KIF21A: variants seen among roughly 807,000 people sequenced by gnomAD.
KIF21A encodes the protein kinesin-like protein KIF21A.
A neutral mutation model predicts 202.9 loss-of-function variants in KIF21A; 114 were observed. The observed-to-expected ratio is 0.56, with a 90% confidence interval of 0.48 to 0.66. The LOEUF (loss-of-function observed/expected upper bound fraction) is 0.66, where lower values mean the gene tolerates loss of function less well. Ranked by LOEUF, KIF21A falls within the 30% of genes least tolerant of loss-of-function variation. KIF21A has a pLI of 0.00. For synonymous variants in KIF21A, 667 were observed against 670.8 expected, an observed-to-expected ratio of 0.99 and a Z score of 0.09; for missense variants, 1,677 against 1,994.9, an observed-to-expected ratio of 0.84 and a Z score of 3.04.
chr12:39,371,316 AATT>A (rs1375787681), intron 1 of KIF21A, among the ~76,000 whole-genome samples: 3 of 152,278 alleles, frequency 2.0e-5, no homozygotes, highest in East Asian at 3.9e-4. Flanking sequence ...AAACTTAGTG[AATT>A]ATTATGAGTT....
intron 11 of KIF21A, among the ~76,000 whole-genome samples, chr12:39,347,606 A>C (rs1469744435): frequency 6.6e-6 from 1 of 151,986 alleles, no homozygotes; most frequent in Non-Finnish European, 1.5e-5. Flanking sequence ...ATTCTTATTT[A>C]TTGGTCTGTG....
At position 39,302,953 on chromosome 12, in the gene KIF21A, G is replaced by T. The variant is rs551732526; in HGVS notation, c.4731+12C>A. ...AATGCCCACTCTATACCATGAAAAGGTTCTGCATTACCTGAAGAAGGTCTT... is the reference window on the plus strand; with the variant it reads ...AATGCCCACTCTATACCATGAAAAGTTTCTGCATTACCTGAAGAAGGTCTT... On this transcript the variant is annotated intron_variant, in intron 36 of 37. Transcript: ENST00000361418. 1.2e-6 allele frequency: 2 copies of T among 1,610,946 alleles called. No individual in the cohort carries two copies. Among genetic ancestry groups the T allele is most frequent in the Admixed American group, 3.3e-5 (2 of 60,010 alleles).
Position 39,388,378 on chromosome 12 carries a change from C to T in KIF21A, c.45-18117G>A, listed in dbSNP as rs113588501. Among the ~76,000 whole-genome samples the T allele has an allele frequency of 5.2e-3, 788 of 152,238 alleles. 4 individuals carry two copies. Among genetic ancestry groups the T allele is most frequent in the African/African-American group, 9.4e-3 (390 of 41,538 alleles). ...ACCAGAAGCAATGCTTCTTACAGCG[C>T]GCAGAACCATGACCAAATAAATCTC... On this transcript the variant is annotated intron_variant, in intron 1 of 37. Coordinates refer to ENST00000361418, the MANE Select transcript of KIF21A (RefSeq NM_001173464.2).
chr12:39,416,715 G>GTATATATATATGTACATATATGTGTGTA (rs35740569), intron 1 of KIF21A, among the ~76,000 whole-genome samples: 4 of 74,328 alleles, frequency 5.4e-5, no homozygotes, highest in African/African-American at 2.2e-4. Context: ...ATATATGTGT[G>GTATATATATATGTACATATATGTGTGTA]TATATATGTA....
At chr12:39,333,138 C>G (rs1323903448) in intron 18 of KIF21A, 31 bp from the exon 19 acceptor site, 4 of 1,607,908 alleles carry the variant, frequency 2.5e-6, no homozygotes, top group Non-Finnish European at 2.6e-6. Flanking sequence ...GACTCATTCT[C>G]TTAGTCTATA....
Position 39,351,944 on chromosome 12 carries a change from G to A in KIF21A, c.1506C>T (p.Asn502=). ...TGGCTCTTGTCAAGTTTTTTCGAAG[G>A]TTCTCATTCACTGCTTCACTTTCTA... ...KLLESEAVNE[N]LRKNLTRATA... Residue 502 remains asparagine, a synonymous_variant, in exon 11 of 38, where the codon AAC becomes AAT. Coordinates refer to ENST00000361418, the MANE Select transcript of KIF21A (RefSeq NM_001173464.2). The A allele has an allele frequency of 6.2e-7, 1 of 1,613,208 alleles. No homozygotes were observed. Among genetic ancestry groups the A allele is most frequent in the Non-Finnish European group, 8.5e-7 (1 of 1,179,444 alleles).
chr12:39,378,766 A>G (rs1196200885), intron 1 of KIF21A, among the ~76,000 whole-genome samples: 1 of 152,198 alleles, frequency 6.6e-6, no homozygotes, highest in Non-Finnish European at 1.5e-5. Context: ...GGTCAGAGGT[A>G]GGGGAACGAT....
intron 17 of KIF21A, among the ~76,000 whole-genome samples, chr12:39,333,713 T>A (rs1312349159): frequency 6.6e-6 from 1 of 152,080 alleles, no homozygotes; most frequent in African/African-American, 2.4e-5. Context: ...GTTGTAGACA[T>A]AGGAGGAATA....
At chr12:39,311,590 T>C in intron 31 of KIF21A, 37 bp from the exon 32 acceptor site, 1 of 1,609,980 alleles carries the variant, frequency 6.2e-7, no homozygotes, top group Admixed American at 1.7e-5. Context: ...CAAGACTCAC[T>C]TCAGTATCAT....
chr12:39,429,294 T>C (rs919890369), intron 1 of KIF21A, among the ~76,000 whole-genome samples: 15 of 152,136 alleles, frequency 9.9e-5, no homozygotes, highest in African/African-American at 3.1e-4. Context: ...TTCAAACTGC[T>C]CTAGGGGGTT....
chr12:39,376,550 G>C (rs1950282042), intron 1 of KIF21A, among the ~76,000 whole-genome samples: 1 of 152,084 alleles, frequency 6.6e-6, no homozygotes, highest in South Asian at 2.1e-4. Flanking sequence ...TGAATTAAAT[G>C]CTAGTGACTA....
chr12:39,352,199 C>G (rs1388611525), intron 10 of KIF21A, among the ~76,000 whole-genome samples: 1 of 152,006 alleles, frequency 6.6e-6, no homozygotes, highest in Admixed American at 6.6e-5. Context: ...CCCCTCAGCC[C>G]CTCTACCTCA....
intron 7 of KIF21A, among the ~76,000 whole-genome samples, chr12:39,359,938 C>T (rs1354640949): frequency 6.6e-6 from 1 of 152,094 alleles, no homozygotes; most frequent in African/African-American, 2.4e-5. Flanking sequence ...TTTCAAACTC[C>T]GATGGTGAGT....
chr12:39,345,374 T>G (rs1947810665), intron 12 of KIF21A, among the ~76,000 whole-genome samples: 1 of 152,110 alleles, frequency 6.6e-6, no homozygotes, highest in African/African-American at 2.4e-5. Context: ...AAATATGTAT[T>G]GCTTAGGTGA....
At chr12:39,404,830 T>A (rs1470895580) in intron 1 of KIF21A, among the ~76,000 whole-genome samples, 1 of 152,162 alleles carries the variant, frequency 6.6e-6, no homozygotes, top group Non-Finnish European at 1.5e-5. Flanking sequence ...TCTTGGCAAA[T>A]TAAATATAAA....
At chr12:39,394,889 C>T (rs1951621491) in intron 1 of KIF21A, among the ~76,000 whole-genome samples, 1 of 152,210 alleles carries the variant, frequency 6.6e-6, no homozygotes, top group Non-Finnish European at 1.5e-5. Context: ...ACTTTCTTCA[C>T]ACATCTCTGC....
chr12:39,311,411 T>C lies in KIF21A; in HGVS notation c.4096+6A>G. The C allele has an allele frequency of 1.2e-6, 2 of 1,612,326 alleles. No individual in the cohort carries two copies. The highest frequency in any genetic ancestry group is 1.7e-6 in the Non-Finnish European group (2 of 1,178,588). On this transcript the variant is annotated splice_donor_region_variant and intron_variant, in intron 32 of 37. Coordinates refer to ENST00000361418, the MANE Select transcript of KIF21A (RefSeq NM_001173464.2). The stretch of plus-strand genomic sequence containing the variant: ...TTAAATATCTGCATTAGATAACTAC[T>C]AGCACCTTTTGATCCAGTGAAGAGG...
intron 11 of KIF21A, among the ~76,000 whole-genome samples, chr12:39,347,006 A>G (rs1343938773): frequency 1.3e-5 from 2 of 151,926 alleles, no homozygotes; most frequent in African/African-American, 4.8e-5. Flanking sequence ...ACTTTTAAAA[A>G]CATACTTTCT....
intron 1 of KIF21A, among the ~76,000 whole-genome samples, chr12:39,387,506 C>A (rs888992880): frequency 3.4e-4 from 51 of 152,170 alleles, no homozygotes; most frequent in African/African-American, 1.2e-3. Flanking sequence ...ATGATTCCCA[C>A]ATACAGGATT....
Sources: allele counts gnomAD v4.1 joint callset (sites outside exome capture counted in the v4.1 genomes callset), GRCh38; gene constraint gnomAD v4.1.1; transcripts MANE v1.5; gene names NCBI Gene and HGNC (gene_info 2026-07-23, HGNC 2026-07-21).